MPPED1: variants seen among roughly 807,000 people sequenced by gnomAD.
MPPED1 encodes the protein metallophosphoesterase domain-containing protein 1.
In MPPED1, 16 loss-of-function variants were observed where a neutral mutation model predicts 36.2. The observed-to-expected ratio is 0.44, with a 90% CI of 0.30 to 0.67. MPPED1 has a LOEUF of 0.67. Ranked by LOEUF, MPPED1 falls within the 30% of genes least tolerant of loss-of-function variation. The pLI, the probability that MPPED1 is intolerant of heterozygous loss-of-function variation, is 0.10. For missense variants in MPPED1, 307 were observed against 453.4 expected (o/e 0.68, Z 2.93); for synonymous variants, 199 against 191.3 (o/e 1.04, Z -0.33).
intron 3 of MPPED1, among the ~76,000 whole-genome samples, chr22:43,448,173 G>A (rs1231199177): frequency 6.6e-6 from 1 of 152,154 alleles, no homozygotes; most frequent in Non-Finnish European, 1.5e-5. Context: ...ACAGGCGTAA[G>A]CCACTGCGCC....
In MPPED1 at chr22:43,426,435, G is replaced by A. The variant is rs552837274; in HGVS notation, c.224+1226G>A. On this transcript the variant is annotated intron_variant, in intron 2 of 6. Coordinates refer to ENST00000443721, the MANE Select transcript of MPPED1 (RefSeq NM_001044370.2). ...GCTGATCCAGTGCTGTAGGGCCTAC[G>A]GGAAGCCCTCCAGACTGCCCGTGAG... Among the ~76,000 whole-genome samples, 7 of 152,230 alleles carry A rather than the reference G, an allele frequency of 4.6e-5. No homozygotes were observed. The South Asian group carries it at 1.0e-3, about 23-fold the overall frequency.
At chr22:43,496,815 T>A (rs1345037615) in intron 4 of MPPED1, among the ~76,000 whole-genome samples, 1 of 15,444 alleles carries the variant, frequency 6.5e-5, no homozygotes. Context: ...GTGGTGGTGG[T>A]GGAGGTGGTG....
intron 4 of MPPED1, among the ~76,000 whole-genome samples, chr22:43,487,135 G>C (rs1931937998): frequency 6.6e-6 from 1 of 152,138 alleles, no homozygotes; most frequent in Admixed American, 6.5e-5. Flanking sequence ...CCTGAAGCCG[G>C]CCTGGGCAGG....
At chr22:43,425,956 G>T (rs146073562) in intron 2 of MPPED1, among the ~76,000 whole-genome samples, 1 of 152,170 alleles carries the variant, frequency 6.6e-6, no homozygotes, top group East Asian at 1.9e-4. Flanking sequence ...TGGATTTCCC[G>T]AGGACCTGGA....
chr22:43,427,239 G>T (rs910748402), intron 2 of MPPED1, among the ~76,000 whole-genome samples: 1 of 152,234 alleles, frequency 6.6e-6, no homozygotes, highest in Non-Finnish European at 1.5e-5. Context: ...CTGAGCCAGG[G>T]AAAGAGGAAG....
intron 5 of MPPED1, among the ~76,000 whole-genome samples, chr22:43,498,992 G>C (rs573640239): frequency 6.6e-6 from 1 of 152,242 alleles, no homozygotes; most frequent in Admixed American, 6.5e-5. Context: ...TGCTGACCCT[G>C]CCTCAGTCCA....
intron 3 of MPPED1, among the ~76,000 whole-genome samples, chr22:43,452,308 C>T (rs1460266681): frequency 1.3e-5 from 2 of 152,110 alleles, no homozygotes; most frequent in Non-Finnish European, 2.9e-5. Context: ...GCCAATGCGC[C>T]CAGCTGATCA....
At chr22:43,479,138 C>T (rs894494875) in intron 4 of MPPED1, among the ~76,000 whole-genome samples, 2 of 152,158 alleles carry the variant, frequency 1.3e-5, no homozygotes, top group Non-Finnish European at 2.9e-5. Flanking sequence ...CCCCTGGCGC[C>T]GGCCACCCGG....
intron 4 of MPPED1, among the ~76,000 whole-genome samples, chr22:43,497,095 G>A (rs377718623): frequency 0.012 from 1,846 of 149,796 alleles, 18 homozygotes; most frequent in Middle Eastern, 0.031. Context: ...TAGTGGTGGC[G>A]GAGATGGTGG....
At chr22:43,483,374 C>G (rs1931809632) in intron 4 of MPPED1, among the ~76,000 whole-genome samples, 1 of 152,222 alleles carries the variant, frequency 6.6e-6, no homozygotes, top group Non-Finnish European at 1.5e-5. Flanking sequence ...GGCTGGTTCT[C>G]CCGTCTCCAC....
At chr22:43,459,468 C>A (rs1385956549) in intron 3 of MPPED1, among the ~76,000 whole-genome samples, 1 of 152,212 alleles carries the variant, frequency 6.6e-6, no homozygotes, top group South Asian at 2.1e-4. Flanking sequence ...CATGAGTGCA[C>A]CCAATGGTGT....
At chr22:43,505,424 T>C (rs1370909251) in intron 6 of MPPED1, 74 bp from the exon 7 acceptor site, 10 of 1,367,890 alleles carry the variant, frequency 7.3e-6, no homozygotes, top group Non-Finnish European at 1.0e-5. Flanking sequence ...CTGAGTGCCC[T>C]ATGACTGCCA....
At chr22:43,478,079 G>A (rs1181789995) in intron 4 of MPPED1, among the ~76,000 whole-genome samples, 1 of 152,246 alleles carries the variant, frequency 6.6e-6, no homozygotes, top group Non-Finnish European at 1.5e-5. Flanking sequence ...CCATTTTACA[G>A]AAGGGCAGGT....
At chr22:43,413,316 C>T (rs1451052585) in intron 1 of MPPED1, among the ~76,000 whole-genome samples, 1 of 136,728 alleles carries the variant, frequency 7.3e-6, no homozygotes, top group East Asian at 2.5e-4. Context: ...CAGGGATCTG[C>T]GGCGCCGGGG....
intron 4 of MPPED1, among the ~76,000 whole-genome samples, chr22:43,496,999 GGTGGTGGTGGAGGTA>G (rs1932424223): frequency 1.5e-5 from 2 of 130,662 alleles, no homozygotes; most frequent in African/African-American, 5.9e-5. Flanking sequence ...TGGTGGAGGT[GGTGGTGGTGGAGGTA>G]GTGGTGGTGG....
At chr22:43,499,560 G>A (rs1261952327) in intron 5 of MPPED1, among the ~76,000 whole-genome samples, 1 of 128,810 alleles carries the variant, frequency 7.8e-6, no homozygotes. Flanking sequence ...GGTGGTGGAG[G>A]TGGTGGTGGT....
intron 1 of MPPED1, among the ~76,000 whole-genome samples, chr22:43,421,891 A>G (rs1451450816): frequency 6.6e-6 from 1 of 152,164 alleles, no homozygotes; most frequent in Non-Finnish European, 1.5e-5. Context: ...GTGTCATCTC[A>G]TTGAATATTC....
At position 43,497,027 on chromosome 22, in the gene MPPED1, G is replaced by A. The variant is rs1382358371; in HGVS notation, c.633-1208G>A. On this transcript the variant is annotated intron_variant, in intron 4 of 6. Transcript: ENST00000443721. ...GGTGGTGGAGGTAGTGGTGGTGGAA[G>A]TGGTGGTGGTGGAGGTAGTGGTGGT... is the stretch of plus-strand genomic sequence containing the variant. Among the ~76,000 whole-genome samples, 10 of 133,808 alleles carry A rather than the reference G, an allele frequency of 7.5e-5. No homozygotes were observed. In the South Asian group the frequency reaches 1.5e-3, roughly 20 times the overall value. The allele number at this position is 133,808 out of a possible 152,430, so 87.8% of individuals were successfully genotyped here. A position where few individuals can be genotyped will look rare whatever the true frequency, so the allele number is the denominator to read the frequency against.
At chr22:43,505,197 C>T (rs982417293) in intron 6 of MPPED1, among the ~76,000 whole-genome samples, 2 of 151,490 alleles carry the variant, frequency 1.3e-5, no homozygotes, top group Non-Finnish European at 2.9e-5. Flanking sequence ...GTGATGGTGA[C>T]GAGGATGGTG....
Sources: allele counts gnomAD v4.1 joint callset (sites outside exome capture counted in the v4.1 genomes callset), GRCh38; gene constraint gnomAD v4.1.1; transcripts MANE v1.5; gene names NCBI Gene and HGNC (gene_info 2026-07-23, HGNC 2026-07-21).